RBFOX3: variants seen among roughly 807,000 people sequenced by gnomAD.
RBFOX3 encodes RNA binding fox-1 homolog 3.
Under a neutral mutation model 48.7 loss-of-function variants are expected in RBFOX3, and 17 were observed. The observed-to-expected ratio is 0.35, with a 90% CI of 0.24 to 0.52. RBFOX3 has a LOEUF of 0.52. RBFOX3 is among the 20% of genes least tolerant of loss of function. The pLI is 0.94. For synonymous variants in RBFOX3, 212 were observed against 209.5 expected, an observed-to-expected ratio of 1.01 and a Z score of -0.10; for missense variants, 382 against 497.5, an observed-to-expected ratio of 0.77 and a Z score of 2.21.
At chr17:79,150,022 T>G (rs1599683050) in intron 4 of RBFOX3, among the ~76,000 whole-genome samples, 1 of 25,156 alleles carries the variant, frequency 4.0e-5, no homozygotes, top group Non-Finnish European at 7.1e-5. Context: ...GGATGGGGGT[T>G]GAGGGTGGGG....
At chr17:79,156,115 G>A (rs570292457) in intron 4 of RBFOX3, among the ~76,000 whole-genome samples, 1 of 152,352 alleles carries the variant, frequency 6.6e-6, no homozygotes, top group East Asian at 1.9e-4. Context: ...ACTTGGGGGT[G>A]ACGGGGAAAA....
chr17:79,186,368 C>T (rs2053954332), intron 4 of RBFOX3, among the ~76,000 whole-genome samples: 2 of 152,272 alleles, frequency 1.3e-5, no homozygotes, highest in Non-Finnish European at 2.9e-5. Flanking sequence ...ACAGCACGCA[C>T]CTCAGTGCTC....
At chr17:79,114,962 T>A (rs1599494107) in intron 5 of RBFOX3, among the ~76,000 whole-genome samples, 1 of 152,302 alleles carries the variant, frequency 6.6e-6, no homozygotes, top group African/African-American at 2.4e-5. Context: ...GGAGCTGCAT[T>A]ACAACCACAT....
At chr17:79,387,299 C>CA (rs767845080) in intron 2 of RBFOX3, among the ~76,000 whole-genome samples, 35 of 152,214 alleles carry the variant, frequency 2.3e-4, no homozygotes, top group Non-Finnish European at 4.7e-4. Context: ...CTTTTCATCA[C>CA]AAAAAAACCC....
In RBFOX3 at chr17:79,311,803, C is replaced by T. The variant is rs1407588666; in HGVS notation, c.-174-3979G>A. 3.3e-5 allele frequency among the ~76,000 whole-genome samples: 5 copies of T among 152,176 alleles called. No homozygotes were observed. Among genetic ancestry groups the T allele is most frequent in the Admixed American group, 1.3e-4 (2 of 15,288 alleles). ...AGCAGTGCCCCCATGATGGCAGAAA[C>T]GGGGAACAGGAAGGAGGCAGCCCAA... On this transcript the variant is annotated intron_variant, in intron 2 of 14. Transcript: ENST00000693108. The surrounding 1 kb of genome is among the most constrained non-coding windows in gnomAD (Gnocchi z 4.2).
intron 4 of RBFOX3, among the ~76,000 whole-genome samples, chr17:79,170,165 G>GAGGAAGGAAAGGAGGAGGAAGGA (rs2048956907): frequency 6.6e-6 from 1 of 151,638 alleles, no homozygotes; most frequent in African/African-American, 2.4e-5. Context: ...GAGGAGGAAG[G>GAGGAAGGAAAGGAGGAGGAAGGA]AGGAAGGAAG....
At chr17:79,657,953 C>T in the RBFOX3 span, among the ~76,000 whole-genome samples, 9 of 152,152 alleles carry the variant, frequency 5.9e-5, no homozygotes, top group Non-Finnish European at 5.9e-5. Context: ...ATCTTCAGGA[C>T]AGAGTCCCTC....
chr17:79,558,470 G>A (rs1017949347), intron 1 of RBFOX3, among the ~76,000 whole-genome samples: 17 of 152,196 alleles, frequency 1.1e-4, no homozygotes, highest in Non-Finnish European at 2.1e-4. Context: ...GGGTGCTGGC[G>A]GATGGGGAGG....
At chr17:79,091,906 T>G (rs767806619) in intron 14 of RBFOX3, 231 of 951,598 alleles carry the variant, frequency 2.4e-4, no homozygotes, top group Non-Finnish European at 2.8e-4. Flanking sequence ...CACAGCAGTT[T>G]GCACACCACG....
chr17:79,253,029 C>A (rs971899354), intron 3 of RBFOX3, among the ~76,000 whole-genome samples: 9 of 152,170 alleles, frequency 5.9e-5, no homozygotes. Flanking sequence ...CCTGACCCTG[C>A]GGGGTGGTGC....
intron 2 of RBFOX3, among the ~76,000 whole-genome samples, chr17:79,315,285 T>C (rs11869159): frequency 0.2 from 30,490 of 152,146 alleles, 5,201 homozygotes; most frequent in African/African-American, 0.47. Context: ...CATCCATGTC[T>C]CCAGGAGGTA....
the RBFOX3 span, among the ~76,000 whole-genome samples, chr17:79,631,002 G>A: frequency 3.0e-4 from 45 of 152,240 alleles, no homozygotes; most frequent in African/African-American, 1.0e-3. Context: ...AGGGACGGCC[G>A]TCAGAGCCAG....
At chr17:79,521,911 G>C (rs2086164650) in intron 1 of RBFOX3, among the ~76,000 whole-genome samples, 1 of 152,236 alleles carries the variant, frequency 6.6e-6, no homozygotes, top group African/African-American at 2.4e-5. Context: ...TCCATTGCCA[G>C]TGAAGTGGAC....
At chr17:79,372,020 A>T (rs2058611943) in intron 2 of RBFOX3, among the ~76,000 whole-genome samples, 1 of 152,118 alleles carries the variant, frequency 6.6e-6, no homozygotes, top group Non-Finnish European at 1.5e-5. Flanking sequence ...CTTCAGTTAC[A>T]GGCAGGTTCG....
intron 4 of RBFOX3, among the ~76,000 whole-genome samples, chr17:79,168,129 GC>G (rs920515513): frequency 1.3e-5 from 2 of 152,168 alleles, no homozygotes; most frequent in Admixed American, 1.3e-4. Context: ...GGGCTCTGAT[GC>G]CCCGACCCTC....
At chr17:79,324,116 T>C (rs1455945359) in intron 2 of RBFOX3, among the ~76,000 whole-genome samples, 1 of 152,110 alleles carries the variant, frequency 6.6e-6, no homozygotes, top group Non-Finnish European at 1.5e-5. Flanking sequence ...CATCCTTCAG[T>C]GGGTCAGGCC....
intron 2 of RBFOX3, among the ~76,000 whole-genome samples, chr17:79,393,386 C>G (rs1346029016): frequency 6.6e-6 from 1 of 152,218 alleles, no homozygotes; most frequent in Non-Finnish European, 1.5e-5. Context: ...CTGGACGAAG[C>G]AAGCCTCTCA....
intron 3 of RBFOX3, among the ~76,000 whole-genome samples, chr17:79,285,807 C>T (rs2071730558): frequency 6.6e-6 from 1 of 152,182 alleles, no homozygotes; most frequent in Non-Finnish European, 1.5e-5. Context: ...CCTCAGCCTC[C>T]CAAGTGTCTG....
At chr17:79,298,518 G>A (rs915738657) in intron 3 of RBFOX3, 5 of 152,232 alleles carry the variant, frequency 3.3e-5, no homozygotes, top group African/African-American at 9.7e-5. Context: ...ACAAGCCAAC[G>A]CTTCACTTGA....
Sources: gnomAD v4.1 joint callset for allele counts (sites outside exome capture counted in the v4.1 genomes callset) on GRCh38, gnomAD v4.1.1 for gene constraint, Gnocchi (gnomAD v3.1) non-coding constraint, MANE v1.5 for transcripts, NCBI Gene and HGNC (gene_info 2026-07-23, HGNC 2026-07-21) for gene names.